VSTM5: variants seen among roughly 807,000 people sequenced by gnomAD.
The protein encoded by VSTM5 is V-set and transmembrane domain-containing protein 5.
Under a neutral mutation model 20.3 loss-of-function variants are expected in VSTM5, and 21 were observed. That is an observed-to-expected ratio of 1.03 (90% CI 0.73 to 1.49). The LOEUF is 1.49. VSTM5 is among the 40% of genes most tolerant of loss of function. The pLI is 0.00. For missense variants in VSTM5, 219 were observed against 250.0 expected (o/e 0.88, Z 0.84); for synonymous variants, 100 against 102.5 (o/e 0.98, Z 0.14).
intron 1 of VSTM5, among the ~76,000 whole-genome samples, chr11:93,833,757 T>C (rs771605534): frequency 6.6e-6 from 1 of 152,168 alleles, no homozygotes; most frequent in Non-Finnish European, 1.5e-5. Flanking sequence ...CTCTTCATTC[T>C]TTAAACATGT....
chr11:93,839,268 C>T (rs972823604), intron 1 of VSTM5, among the ~76,000 whole-genome samples: 2 of 152,204 alleles, frequency 1.3e-5, no homozygotes, highest in African/African-American at 4.8e-5. Flanking sequence ...TGGCAAGAGG[C>T]TGTCGGGCAG....
chr11:93,821,467 G>T, intron 1 of VSTM5, 144 bp from the exon 2 acceptor site: 1 of 779,788 alleles, frequency 1.3e-6, no homozygotes, highest in Non-Finnish European at 2.0e-6. Flanking sequence ...GTGCTTAAGC[G>T]ATAATGCTGA....
At chr11:93,839,039 C>T (rs535083841) in intron 1 of VSTM5, among the ~76,000 whole-genome samples, 1 of 152,340 alleles carries the variant, frequency 6.6e-6, no homozygotes, top group East Asian at 1.9e-4. Context: ...CAGCCAGCAA[C>T]GCCAGGCTCT....
At chr11:93,830,930 AT>A (rs1157794136) in intron 1 of VSTM5, among the ~76,000 whole-genome samples, 1 of 150,554 alleles carries the variant, frequency 6.6e-6, no homozygotes, top group African/African-American at 2.4e-5. Context: ...TTTTATTTTT[AT>A]TTTTTTTGTA....
chr11:93,836,043 C>T (rs2135735760), intron 1 of VSTM5, among the ~76,000 whole-genome samples: 1 of 152,348 alleles, frequency 6.6e-6, no homozygotes, highest in African/African-American at 2.4e-5. Context: ...GAAAGGCTCT[C>T]CCAGCCAGTC....
Position 93,819,491 on chromosome 11 carries a change from T to G in VSTM5, c.*1078A>C, listed in dbSNP as rs910460162. ...TAATACTCAGAATAGCGTTTTCCAGTATAGCTTTCCAGATCCTTGAAGAAG... is the reference window on the plus strand; with the variant it reads ...TAATACTCAGAATAGCGTTTTCCAGGATAGCTTTCCAGATCCTTGAAGAAG... On this transcript the variant is annotated 3_prime_UTR_variant, in exon 4 of 4. Coordinates refer to ENST00000409977, the MANE Select transcript of VSTM5 (RefSeq NM_001144871.2). 4 of 152,238 alleles carry G rather than the reference T, an allele frequency of 2.6e-5. No homozygotes were observed. The highest frequency in any genetic ancestry group is 9.7e-5 in the African/African-American group (4 of 41,446). The allele number at this position is 152,238 out of a possible 1,614,324, so 9.4% of individuals were successfully genotyped here.
intron 1 of VSTM5, 45 bp downstream of exon 1, chr11:93,850,367 C>A: frequency 2.7e-6 from 4 of 1,499,584 alleles, no homozygotes; most frequent in Non-Finnish European, 3.6e-6. Flanking sequence ...TGCCCCCCTA[C>A]CCATTCCCGC....
rs952793872 is a variant in VSTM5, at chr11:93,845,103, A to G, written c.91+5309T>C. On this transcript the variant is annotated intron_variant, in intron 1 of 3. Transcript: ENST00000409977. ...TCAGACTAATGGAGGGGAATGGTCTAGTCTAGTGCAGTAGTTCTCTGGCCA... is the reference window on the plus strand; with the variant it reads ...TCAGACTAATGGAGGGGAATGGTCTGGTCTAGTGCAGTAGTTCTCTGGCCA... 2.6e-5 allele frequency among the ~76,000 whole-genome samples: 4 copies of G among 152,206 alleles called. 1 individual carries two copies. The South Asian group carries it at 8.3e-4, about 32-fold the overall frequency.
In VSTM5 at chr11:93,821,479, C is replaced by T. The variant is rs939844455; in HGVS notation, c.92-156G>A. ...CTGGTGCTTAAGCGATAATGCTGAA[C>T]AAGACACAAGGCTCCCTGGAGATAG... On this transcript the variant is annotated intron_variant, in intron 1 of 3. Transcript: ENST00000409977. 6 of 703,454 alleles carry T rather than the reference C, an allele frequency of 8.5e-6. No individual in the cohort carries two copies. In the African/African-American group the frequency reaches 9.0e-5, roughly 11 times the overall value. 43.6% of individuals were successfully genotyped at this position (703,454 alleles called of 1,614,324 possible).
chr11:93,841,919 A>G (rs1366899603), intron 1 of VSTM5, among the ~76,000 whole-genome samples: 1 of 152,224 alleles, frequency 6.6e-6, no homozygotes, highest in Admixed American at 6.5e-5. Context: ...CATGGATTCT[A>G]GAGTCAGACT....
chr11:93,843,509 C>T (rs986426674), intron 1 of VSTM5, among the ~76,000 whole-genome samples: 4 of 152,080 alleles, frequency 2.6e-5, no homozygotes, highest in Non-Finnish European at 5.9e-5. Flanking sequence ...AGTCCCTCAA[C>T]TTCTTTGAGC....
chr11:93,824,994 G>A (rs920417750), intron 1 of VSTM5, among the ~76,000 whole-genome samples: 10 of 152,046 alleles, frequency 6.6e-5, no homozygotes, highest in Non-Finnish European at 1.5e-4. Context: ...CTTTGTTTCT[G>A]GGCTATTTTG....
intron 1 of VSTM5, among the ~76,000 whole-genome samples, chr11:93,834,687 GCAGGAGAATTGCTTGAAGC>G (rs1284571824): frequency 6.7e-6 from 1 of 150,332 alleles, no homozygotes; most frequent in Non-Finnish European, 1.5e-5. Context: ...GGAGGCTGAG[GCAGGAGAATTGCTTGAAGC>G]CAGGAGGTAG....
intron 1 of VSTM5, among the ~76,000 whole-genome samples, chr11:93,839,847 C>T (rs1944356751): frequency 6.6e-6 from 1 of 152,150 alleles, no homozygotes; most frequent in African/African-American, 2.4e-5. Context: ...AGGGTTGTTA[C>T]AGAGGTAATC....
chr11:93,820,574 A>T lies in VSTM5; in HGVS notation c.598T>A (p.Cys200Ser). Residue 200 changes from cysteine to serine, a missense_variant, in exon 4 of 4, where the codon TGT (cysteine) becomes AGT (serine). Cys to Ser is a moderately radical substitution (Grantham distance 112). Coordinates refer to ENST00000409977, the MANE Select transcript of VSTM5 (RefSeq NM_001144871.2). ...GCAGTCAGGCCCAGCCTTGGCTAAC[A>T]CTCAACATCTTCCAGCTCAATCTCC... The part of the protein sequence containing the change: ...TEEIELEDVE[C>S] 6.4e-7 allele frequency: 1 copy of T among 1,551,884 alleles called. No homozygotes were observed. Among genetic ancestry groups the T allele is most frequent in the Non-Finnish European group, 8.7e-7 (1 of 1,147,060 alleles).
At chr11:93,842,002 T>C (rs12290507) in intron 1 of VSTM5, among the ~76,000 whole-genome samples, 31,929 of 152,138 alleles carry the variant, frequency 0.21, 3,634 homozygotes, top group Admixed American at 0.33. Context: ...CTTCTTTCAG[T>C]CTCTGTTATG....
intron 1 of VSTM5, among the ~76,000 whole-genome samples, chr11:93,847,977 A>T (rs1944427444): frequency 6.6e-6 from 1 of 152,080 alleles, no homozygotes; most frequent in South Asian, 2.1e-4. Flanking sequence ...TCCTCTTCTT[A>T]TAAGGACACT....
intron 1 of VSTM5, among the ~76,000 whole-genome samples, chr11:93,844,209 G>A (rs544878917): frequency 2.1e-4 from 32 of 152,326 alleles, no homozygotes; most frequent in Middle Eastern, 3.4e-3. Context: ...ATCCCATCCC[G>A]AAGTGCGTGG....
chr11:93,821,478 A>G (rs1944185588), intron 1 of VSTM5, 155 bp from the exon 2 acceptor site: 1 of 702,354 alleles, frequency 1.4e-6, no homozygotes, highest in Non-Finnish European at 2.3e-6. Context: ...ATAATGCTGA[A>G]CAAGACACAA....
Sources: allele counts gnomAD v4.1 joint callset (sites outside exome capture counted in the v4.1 genomes callset), GRCh38; gene constraint gnomAD v4.1.1; transcripts MANE v1.5; gene names NCBI Gene and HGNC (gene_info 2026-07-23, HGNC 2026-07-21).